PCDH7: variants seen among roughly 807,000 people sequenced by gnomAD.
PCDH7 encodes protocadherin-7.
In PCDH7, 17 loss-of-function variants were observed where a neutral mutation model predicts 58.9. That is an observed-to-expected ratio of 0.29 (90% confidence interval 0.20 to 0.43). PCDH7 has a LOEUF of 0.43. Ranked by LOEUF, PCDH7 falls within the 20% of genes least tolerant of loss-of-function variation. PCDH7 has a pLI of 1.00. For missense variants in PCDH7, 1,274 were observed against 1,441.0 expected (o/e 0.88, Z 1.88); for synonymous variants, 664 against 616.4 (o/e 1.08, Z -1.14).
intron 1 of PCDH7, among the ~76,000 whole-genome samples, chr4:30,873,148 A>G (rs886243396): frequency 3.3e-5 from 5 of 152,062 alleles, no homozygotes; most frequent in African/African-American, 7.2e-5. Flanking sequence ...TTTATTATGT[A>G]TACTACTTCT....
intron 3 of PCDH7, among the ~76,000 whole-genome samples, chr4:31,052,528 T>C (rs1756839862): frequency 6.6e-6 from 1 of 152,154 alleles, no homozygotes; most frequent in African/African-American, 2.4e-5. Context: ...GTCCTTTTCT[T>C]TAAGGACATA....
intron 3 of PCDH7, among the ~76,000 whole-genome samples, chr4:30,960,667 A>T (rs533004385): frequency 6.6e-6 from 1 of 152,332 alleles, no homozygotes; most frequent in Non-Finnish European, 1.5e-5. Context: ...AATATTATTT[A>T]CCTTCTTTTG....
chr4:30,822,030 T>A (rs1728439468), intron 1 of PCDH7, among the ~76,000 whole-genome samples: 2 of 152,126 alleles, frequency 1.3e-5, no homozygotes, highest in African/African-American at 4.8e-5. Flanking sequence ...GCATAGTAAC[T>A]GGTGACCACA....
Position 31,076,829 on chromosome 4 carries a change from G to A in PCDH7, c.*8-65644G>A, listed in dbSNP as rs138669047. On this transcript the variant is annotated intron_variant, in intron 3 of 3. Transcript: ENST00000509759. Reference sequence around the variant, plus strand: ...GGGAAAAATAATGATCACATCAACAGATGATGAAACAATTCTTATTCATGT... The same window carrying A: ...GGGAAAAATAATGATCACATCAACAAATGATGAAACAATTCTTATTCATGT... Among the ~76,000 whole-genome samples, 675 of 152,244 alleles carry A rather than the reference G, an allele frequency of 4.4e-3. 3 individuals are homozygous for A. The highest frequency in any genetic ancestry group is 0.015 in the African/African-American group (637 of 41,546).
chr4:30,935,099 G>T (rs1275735745), intron 2 of PCDH7, among the ~76,000 whole-genome samples: 1 of 151,990 alleles, frequency 6.6e-6, no homozygotes, highest in Non-Finnish European at 1.5e-5. Flanking sequence ...AAGTATTGCT[G>T]AAGTATTACT....
chr4:30,946,526 C>CT (rs113948298), intron 2 of PCDH7, among the ~76,000 whole-genome samples: 29,470 of 150,736 alleles, frequency 0.2, 3,592 homozygotes, highest in East Asian at 0.29. Context: ...TTTCCATAAA[C>CT]TTTTTTTTTT....
Position 30,721,369 on chromosome 4 carries a change from G to A in PCDH7, c.-54G>A. On this transcript the variant is annotated 5_prime_UTR_variant, in exon 1 of 2. Coordinates refer to ENST00000361762, the Ensembl canonical transcript of PCDH7. The surrounding 1 kb of genome is among the most constrained non-coding windows in gnomAD (Gnocchi z 6.7). ...GCAGGCGGCCGGCCCCGGAGGAGGG[G>A]GGCGCCGAGGGGGCTGTGGTTAGAA... 7.0e-7 allele frequency: 1 copy of A among 1,422,216 alleles called. No individual in the cohort carries two copies. Among genetic ancestry groups the A allele is most frequent in the Non-Finnish European group, 9.2e-7 (1 of 1,087,326 alleles). The allele number at this position is 1,422,216 out of a possible 1,614,324, so 88.1% of individuals were successfully genotyped here.
At chr4:31,024,695 T>G in intron 3 of PCDH7, among the ~76,000 whole-genome samples, 1 of 152,208 alleles carries the variant, frequency 6.6e-6, no homozygotes, top group East Asian at 1.9e-4. Context: ...GTGATTTTAC[T>G]TATAATTACT....
chr4:30,748,241 C>T (rs749482447), intron 1 of PCDH7, among the ~76,000 whole-genome samples: 5 of 152,038 alleles, frequency 3.3e-5, no homozygotes, highest in Non-Finnish European at 7.4e-5. Context: ...AATCAGAGGC[C>T]GAGAAGGGGT....
chr4:30,979,082 A>T (rs1750322185), intron 3 of PCDH7, among the ~76,000 whole-genome samples: 1 of 151,990 alleles, frequency 6.6e-6, no homozygotes, highest in South Asian at 2.1e-4. Flanking sequence ...TTAAAAAAAA[A>T]TTGGGGGGCC....
intron 3 of PCDH7, among the ~76,000 whole-genome samples, chr4:31,047,245 T>C (rs1446585386): frequency 6.6e-6 from 1 of 152,110 alleles, no homozygotes; most frequent in Non-Finnish European, 1.5e-5. Flanking sequence ...TGTGGATTTC[T>C]CCTCAGCTGC....
At chr4:31,069,492 G>A (rs1410344883) in intron 3 of PCDH7, among the ~76,000 whole-genome samples, 1 of 151,726 alleles carries the variant, frequency 6.6e-6, no homozygotes, top group African/African-American at 2.4e-5. Flanking sequence ...AGAAGTAATG[G>A]GCATCACTTT....
intron 3 of PCDH7, among the ~76,000 whole-genome samples, chr4:31,025,098 C>G (rs186309932): frequency 6.6e-6 from 1 of 152,124 alleles, no homozygotes; most frequent in African/African-American, 2.4e-5. Context: ...ATGGAGAAAT[C>G]GTGATCCTGT....
intron 1 of PCDH7, among the ~76,000 whole-genome samples, chr4:30,857,521 G>A (rs73214911): frequency 5.9e-5 from 9 of 152,178 alleles, no homozygotes; most frequent in Non-Finnish European, 1.2e-4. Context: ...TTTTGTGTAA[G>A]TAAAGCTCGT....
intron 1 of PCDH7, among the ~76,000 whole-genome samples, chr4:30,881,236 TATTTTACTTAAAAACTGTAAGTTTCA>T (rs1736928342): frequency 6.6e-6 from 1 of 151,032 alleles, no homozygotes. Context: ...AGGACAGGAG[TATTTTACTTAAAAACTGTAAGTTTCA>T]AACTGCTTGA....
chr4:30,904,354 C>G (rs1740632845), intron 1 of PCDH7, among the ~76,000 whole-genome samples: 1 of 152,130 alleles, frequency 6.6e-6, no homozygotes, highest in South Asian at 2.1e-4. Flanking sequence ...CCCACTCCCT[C>G]CCTCTTCAAA....
intron 3 of PCDH7, among the ~76,000 whole-genome samples, chr4:31,137,804 G>A (rs529795312): frequency 5.6e-4 from 85 of 152,086 alleles, no homozygotes; most frequent in African/African-American, 1.6e-3. Context: ...ACAAATAAAT[G>A]ATACATACAG....
intron 1 of PCDH7, among the ~76,000 whole-genome samples, chr4:30,809,513 G>T (rs1726700434): frequency 6.6e-6 from 1 of 152,156 alleles, no homozygotes; most frequent in South Asian, 2.1e-4. Context: ...TGAAGAACTT[G>T]AAAATATTTT....
At chr4:30,990,830 CT>C (rs1163483963) in intron 3 of PCDH7, among the ~76,000 whole-genome samples, 1 of 152,162 alleles carries the variant, frequency 6.6e-6, no homozygotes, top group Non-Finnish European at 1.5e-5. Flanking sequence ...TCTTGCTCAA[CT>C]TCCCATTTTT....
Sources: allele counts gnomAD v4.1 joint callset (sites outside exome capture counted in the v4.1 genomes callset), GRCh38; gene constraint gnomAD v4.1.1; non-coding constraint Gnocchi (gnomAD v3.1); transcripts MANE v1.5; gene names NCBI Gene and HGNC (gene_info 2026-07-23, HGNC 2026-07-21).